Variants in LRFN2 observed in about 807,000 individuals in gnomAD.
LRFN2 encodes the protein leucine rich repeat and fibronectin type III domain containing 2, also known as leucine-rich repeat and fibronectin type-III domain-containing protein 2.
In LRFN2, 18 loss-of-function variants were observed where a neutral mutation model predicts 37.3. The ratio of observed to expected loss-of-function variants is 0.48; its 90% CI spans 0.33 to 0.72. The LOEUF (loss-of-function observed/expected upper bound fraction) is 0.72. Ranked by LOEUF, LRFN2 falls within the 30% of genes least tolerant of loss-of-function variation. The pLI, the probability that LRFN2 is intolerant of heterozygous loss-of-function variation, is 0.02. For synonymous variants in LRFN2, 556 were observed against 466.6 expected (o/e 1.19, Z -2.47); for missense variants, 1,006 against 1,060.7 (o/e 0.95, Z 0.72).
chr6:40,428,282 C>T (rs765197218), intron 2 of LRFN2, among the ~76,000 whole-genome samples: 18 of 152,206 alleles, frequency 1.2e-4, no homozygotes. Context: ...TAACCTCTTT[C>T]CCAATCAACA....
In LRFN2 at chr6:40,536,081, C is replaced by T. The variant is rs192049155; in HGVS notation, c.-19+50860G>A. Among the ~76,000 whole-genome samples the T allele has an allele frequency of 1.8e-4, 27 of 152,150 alleles. No individual in the cohort carries two copies. The East Asian group carries it at 2.1e-3, about 12-fold the overall frequency. On this transcript the variant is annotated intron_variant, in intron 1 of 2. Transcript: ENST00000338305. The stretch of plus-strand genomic sequence containing the variant: ...TGGCCAGCTGCATGTGACCAGTCAC[C>T]GGAGGTTCTGCTTCAAGCAGAGGCA...
At chr6:40,420,843 G>T (rs1409959422) in intron 2 of LRFN2, among the ~76,000 whole-genome samples, 3 of 152,212 alleles carry the variant, frequency 2.0e-5, no homozygotes, top group Non-Finnish European at 4.4e-5. Flanking sequence ...GTTTATTTGG[G>T]AGGTGGGCTC....
chr6:40,453,979 G>A (rs953241190), intron 1 of LRFN2, among the ~76,000 whole-genome samples: 2 of 152,078 alleles, frequency 1.3e-5, no homozygotes, highest in Non-Finnish European at 2.9e-5. Context: ...TTTTTGTGCT[G>A]GACTGTCTCT....
chr6:40,567,743 TC>T, intron 1 of LRFN2, among the ~76,000 whole-genome samples: 1 of 152,342 alleles, frequency 6.6e-6, no homozygotes, highest in Non-Finnish European at 1.5e-5. Context: ...GACTAGGCAC[TC>T]CGTTACCCAT....
intron 2 of LRFN2, among the ~76,000 whole-genome samples, chr6:40,424,382 C>T (rs547297561): frequency 6.6e-6 from 1 of 152,276 alleles, no homozygotes; most frequent in Non-Finnish European, 1.5e-5. Flanking sequence ...TCTTTGGGGC[C>T]TTAGCGAGAT....
chr6:40,402,734 C>T (rs561554243), intron 2 of LRFN2, among the ~76,000 whole-genome samples: 4 of 152,284 alleles, frequency 2.6e-5, no homozygotes, highest in East Asian at 1.9e-4. Context: ...ATGATAACCC[C>T]GGGAAGTACA....
In LRFN2 at chr6:40,431,772, G is replaced by A. The variant is rs1338608982; in HGVS notation, c.1342C>T (p.Arg448Trp). Reference protein sequence around the residue: ...VKWSVSKSAPRVKMYQLQYNC... With the variant: ...VKWSVSKSAPWVKMYQLQYNC... ...TACTGCAGCTGGTACATCTTCACCC[G>A]GGGTGCTGACTTGCTGACAGACCAC... The change falls in exon 2 of 3, where the codon CGG (arginine) becomes TGG (tryptophan). Residue 448 changes from arginine to tryptophan, a missense_variant. Around this residue, in one of 4 missense-constraint regions of LRFN2, gnomAD observed 120 missense variants for 178.4 expected, o/e 0.67. Coordinates refer to ENST00000338305, the MANE Select transcript of LRFN2 (RefSeq NM_020737.3). 1 of 1,527,618 alleles carries A rather than the reference G, an allele frequency of 6.5e-7. No homozygotes were observed. Among genetic ancestry groups the A allele is most frequent in the African/African-American group, 1.4e-5 (1 of 72,396 alleles). 94.6% of individuals were successfully genotyped at this position (1,527,618 alleles called of 1,614,324 possible).
chr6:40,439,838 G>A (rs1288537708), intron 1 of LRFN2, among the ~76,000 whole-genome samples: 3 of 152,188 alleles, frequency 2.0e-5, no homozygotes, highest in Non-Finnish European at 4.4e-5. Flanking sequence ...CTCTGACAGG[G>A]GAGGCATAGC....
intron 1 of LRFN2, among the ~76,000 whole-genome samples, chr6:40,479,420 A>G (rs1303600698): frequency 6.6e-6 from 1 of 152,206 alleles, no homozygotes; most frequent in Non-Finnish European, 1.5e-5. Context: ...CAGCTCTGAC[A>G]CTAGACAAGT....
intron 1 of LRFN2, among the ~76,000 whole-genome samples, chr6:40,499,222 T>G (rs1480520257): frequency 6.6e-6 from 1 of 152,128 alleles, no homozygotes; most frequent in Non-Finnish European, 1.5e-5. Flanking sequence ...ATAGTTGAGG[T>G]GCAAGGGACT....
At chr6:40,506,295 G>A (rs767286835) in intron 1 of LRFN2, among the ~76,000 whole-genome samples, 3 of 152,174 alleles carry the variant, frequency 2.0e-5, no homozygotes, top group African/African-American at 4.8e-5. Flanking sequence ...CCATCCGGGT[G>A]GATTTCTGCT....
intron 2 of LRFN2, among the ~76,000 whole-genome samples, chr6:40,429,121 A>AT (rs946995702): frequency 4.6e-5 from 7 of 151,968 alleles, no homozygotes; most frequent in Admixed American, 2.6e-4. Context: ...TGTTAGCTGC[A>AT]TTTTTTTTAT....
Position 40,391,734 on chromosome 6 carries a change from G to A in LRFN2, c.*209C>T, listed in dbSNP as rs41273354. The A allele has an allele frequency of 0.019, 8,395 of 451,222 alleles. 145 individuals carry two copies. Among genetic ancestry groups the A allele is most frequent in the Admixed American group, 0.054 (1,331 of 24,696 alleles). The allele number at this position is 451,222 out of a possible 1,614,324, so 28.0% of individuals were successfully genotyped here. A position where few individuals can be genotyped will look rare whatever the true frequency, so the allele number is the denominator to read the frequency against. ...TCAGGGCTCAGTCCGGCATTTGAGC[G>A]AGTCCACATTCCCTGAGCACACCCC... is the stretch of plus-strand genomic sequence containing the variant. On this transcript the variant is annotated 3_prime_UTR_variant, in exon 3 of 3. Coordinates refer to ENST00000338305, the MANE Select transcript of LRFN2 (RefSeq NM_020737.3).
At chr6:40,544,118 G>T (rs1271663367) in intron 1 of LRFN2, among the ~76,000 whole-genome samples, 1 of 152,232 alleles carries the variant, frequency 6.6e-6, no homozygotes, top group African/African-American at 2.4e-5. Flanking sequence ...TATCCAATCT[G>T]CACAGCTGAG....
At chr6:40,436,895 T>C (rs1269585465) in intron 1 of LRFN2, among the ~76,000 whole-genome samples, 4 of 152,106 alleles carry the variant, frequency 2.6e-5, no homozygotes, top group Admixed American at 2.6e-4. Flanking sequence ...CGGCATCTGC[T>C]CAAATATAGT....
At chr6:40,500,536 A>T (rs1765352459) in intron 1 of LRFN2, among the ~76,000 whole-genome samples, 1 of 152,226 alleles carries the variant, frequency 6.6e-6, no homozygotes, top group Admixed American at 6.5e-5. Context: ...GAGGAGTGAA[A>T]GAAGCAGTGT....
At chr6:40,524,377 T>C (rs1440756239) in intron 1 of LRFN2, among the ~76,000 whole-genome samples, 1 of 150,322 alleles carries the variant, frequency 6.7e-6, no homozygotes, top group African/African-American at 2.5e-5. Flanking sequence ...CCTGACTTAC[T>C]GCTTCCCCAC....
At chr6:40,566,799 G>A (rs1025109248) in intron 1 of LRFN2, among the ~76,000 whole-genome samples, 10 of 151,762 alleles carry the variant, frequency 6.6e-5, no homozygotes, top group African/African-American at 2.4e-4. Flanking sequence ...ACGAGTTAAT[G>A]GGTGCAGCAT....
Position 40,432,490 on chromosome 6 carries a change from C to G in LRFN2, c.624G>C (p.Arg208=), listed in dbSNP as rs144578225. The G allele has an allele frequency of 4.6e-4, 738 of 1,614,238 alleles. 5 individuals carry two copies. The East Asian group carries it at 0.016, about 34-fold the overall frequency. ...TGGGATCAGGGGGCAGCTTCTGCAGCCGATTGGAGGTGAGATCCAGGCGGG... is the reference window on the plus strand; with the variant it reads ...TGGGATCAGGGGGCAGCTTCTGCAGGCGATTGGAGGTGAGATCCAGGCGGG... The part of the protein sequence containing the change: ...KLARLDLTSN[R]LQKLPPDPIF... The change falls in exon 2 of 3, where the codon CGG becomes CGC. Residue 208 remains arginine, a synonymous_variant. Coordinates refer to ENST00000338305, the MANE Select transcript of LRFN2 (RefSeq NM_020737.3).
Sources: gnomAD v4.1 joint callset for allele counts (sites outside exome capture counted in the v4.1 genomes callset) on GRCh38, gnomAD v4.1.1 for gene constraint, gnomAD v4.1.1 regional missense constraint, MANE v1.5 for transcripts, NCBI Gene and HGNC (gene_info 2026-07-23, HGNC 2026-07-21) for gene names.